Variants in LYPLAL1 observed in about 807,000 individuals in gnomAD.
LYPLAL1 encodes the protein lysophospholipase-like protein 1.
Under a neutral mutation model 19.7 loss-of-function variants are expected in LYPLAL1, and 23 were observed. The observed-to-expected ratio is 1.17, with a 90% CI of 0.84 to 1.65. The LOEUF (loss-of-function observed/expected upper bound fraction) is 1.65, where lower values mean the gene tolerates loss of function less well. Among genes scored for constraint, LYPLAL1 ranks in the 40% most tolerant of loss-of-function variants. The pLI is 0.00. For synonymous variants in LYPLAL1, 119 were observed against 96.3 expected (o/e 1.24, Z -1.38); for missense variants, 355 against 279.4 (o/e 1.27, Z -1.93).
chr1:219,352,407 A>G, the LYPLAL1 span, among the ~76,000 whole-genome samples: 1,688 of 152,280 alleles, frequency 0.011, 32 homozygotes, highest in African/African-American at 0.038. Flanking sequence ...AGTCTCAGCT[A>G]CTGGGAAGGC....
the LYPLAL1 span, among the ~76,000 whole-genome samples, chr1:219,359,902 G>A: frequency 2.0e-5 from 3 of 152,134 alleles, no homozygotes; most frequent in East Asian, 1.9e-4. Context: ...CATGACATCC[G>A]GTTATATAAT....
the LYPLAL1 span, among the ~76,000 whole-genome samples, chr1:219,288,691 T>G: frequency 1.6e-4 from 25 of 152,232 alleles, no homozygotes; most frequent in African/African-American, 5.8e-4. Flanking sequence ...TTTCATCGAC[T>G]GTAACAAATG....
At chr1:219,366,945 A>G in the LYPLAL1 span, among the ~76,000 whole-genome samples, 7 of 152,042 alleles carry the variant, frequency 4.6e-5, no homozygotes, top group Admixed American at 4.6e-4. Context: ...CCTTGGTCAC[A>G]ACTTTGGTAG....
chr1:219,239,126 A>AT, the LYPLAL1 span, among the ~76,000 whole-genome samples: 3 of 152,180 alleles, frequency 2.0e-5, no homozygotes, highest in Admixed American at 2.0e-4. Context: ...AGACTATCAG[A>AT]TGATAATAGC....
chr1:219,274,680 G>A, the LYPLAL1 span, among the ~76,000 whole-genome samples: 5 of 152,054 alleles, frequency 3.3e-5, no homozygotes, highest in Admixed American at 6.6e-5. Context: ...CACCGCCCCC[G>A]GCCAGTTTTG....
chr1:219,211,388 T>C, intron 4 of LYPLAL1, 104 bp from the exon 5 acceptor site: 4 of 802,804 alleles, frequency 5.0e-6, no homozygotes, highest in South Asian at 3.5e-5. Flanking sequence ...CCATTAGTTA[T>C]TGAAGCCTTG....
the LYPLAL1 span, among the ~76,000 whole-genome samples, chr1:219,266,705 C>T: frequency 3.9e-5 from 6 of 152,062 alleles, no homozygotes; most frequent in East Asian, 1.9e-4. Context: ...GTGAGTAATA[C>T]GTTGCATTAT....
At chr1:219,187,584 C>A (rs757425618) in intron 2 of LYPLAL1, among the ~76,000 whole-genome samples, 40 of 151,680 alleles carry the variant, frequency 2.6e-4, no homozygotes, top group Non-Finnish European at 5.3e-4. Context: ...AATATAGTTT[C>A]TTTTGGTGTT....
chr1:219,405,088 T>G, the LYPLAL1 span, among the ~76,000 whole-genome samples: 2 of 152,224 alleles, frequency 1.3e-5, no homozygotes, highest in African/African-American at 2.4e-5. Context: ...ATAAGGTACT[T>G]TCCAGATACC....
intron 3 of LYPLAL1, among the ~76,000 whole-genome samples, chr1:219,204,348 CT>C (rs1658369477): frequency 6.6e-6 from 1 of 152,138 alleles, no homozygotes; most frequent in Admixed American, 6.6e-5. Context: ...CTTCTTCTGG[CT>C]TTATTAACAT....
chr1:219,415,125 G>A, the LYPLAL1 span, among the ~76,000 whole-genome samples: 1 of 152,306 alleles, frequency 6.6e-6, no homozygotes, highest in African/African-American at 2.4e-5. Context: ...AACATGCCTA[G>A]GGAGAAAAGA....
chr1:219,319,712 G>A, the LYPLAL1 span, among the ~76,000 whole-genome samples: 1 of 152,182 alleles, frequency 6.6e-6, no homozygotes, highest in Non-Finnish European at 1.5e-5. Context: ...AAGCAGGACT[G>A]TTCAACTCTT....
At chr1:219,413,003 A>G in the LYPLAL1 span, among the ~76,000 whole-genome samples, 21 of 152,324 alleles carry the variant, frequency 1.4e-4, no homozygotes, top group South Asian at 4.4e-3. Context: ...CTTTGTTTTC[A>G]AAGAAACTAT....
the LYPLAL1 span, among the ~76,000 whole-genome samples, chr1:219,237,120 A>T: frequency 6.6e-6 from 1 of 152,198 alleles, no homozygotes; most frequent in South Asian, 2.1e-4. Flanking sequence ...ACAACATAAA[A>T]AGTCAGCTCA....
At chr1:219,241,005 G>A in the LYPLAL1 span, among the ~76,000 whole-genome samples, 1 of 150,470 alleles carries the variant, frequency 6.6e-6, no homozygotes, top group Admixed American at 6.6e-5. Context: ...AGGCTGCAGT[G>A]AACTATGATC....
the LYPLAL1 span, among the ~76,000 whole-genome samples, chr1:219,391,104 A>G: frequency 6.6e-6 from 1 of 152,234 alleles, no homozygotes; most frequent in Non-Finnish European, 1.5e-5. Flanking sequence ...GTGCCTGGTC[A>G]AGAATAAAAG....
chr1:219,220,734 G>A, the LYPLAL1 span, among the ~76,000 whole-genome samples: 6 of 152,144 alleles, frequency 3.9e-5, no homozygotes, highest in African/African-American at 1.2e-4. Flanking sequence ...GAATTATAGC[G>A]AGCATAAAAG....
chr1:219,228,959 G>A, the LYPLAL1 span, among the ~76,000 whole-genome samples: 1 of 152,092 alleles, frequency 6.6e-6, no homozygotes, highest in African/African-American at 2.4e-5. Flanking sequence ...GATTACAGAC[G>A]TGAACCACTG....
At chr1:219,378,983 A>T in the LYPLAL1 span, among the ~76,000 whole-genome samples, 22,829 of 152,184 alleles carry the variant, frequency 0.15, 1,893 homozygotes, top group East Asian at 0.28. Flanking sequence ...ACACAAATTC[A>T]TAATTCATAC....
Sources: gnomAD v4.1 joint callset for allele counts (sites outside exome capture counted in the v4.1 genomes callset) on GRCh38, gnomAD v4.1.1 for gene constraint, MANE v1.5 for transcripts, NCBI Gene and HGNC (gene_info 2026-07-23, HGNC 2026-07-21) for gene names.